PPP5C: variants seen among roughly 807,000 people sequenced by gnomAD.
The protein encoded by PPP5C is protein phosphatase 5 catalytic subunit.
In PPP5C, 21 loss-of-function variants were observed where a neutral mutation model predicts 66.7. The observed-to-expected ratio is 0.31, with a 90% CI of 0.22 to 0.45. PPP5C has a LOEUF of 0.45. Among genes scored for constraint, PPP5C ranks in the 20% least tolerant of loss-of-function variants. The pLI, the probability that PPP5C is intolerant of heterozygous loss-of-function variation, is 1.00. For missense variants in PPP5C, 464 were observed against 675.9 expected (o/e 0.69, Z 3.48); for synonymous variants, 246 against 257.4 (o/e 0.96, Z 0.43).
At chr19:46,384,631 T>G in intron 6 of PPP5C, 173 bp from the exon 7 acceptor site, 1 of 580,710 alleles carries the variant, frequency 1.7e-6, no homozygotes, top group East Asian at 2.9e-5. Context: ...AGGAAAGGAT[T>G]AGAAACCCAG....
Position 46,383,934 on chromosome 19 carries a change from A to C in PPP5C, c.798+56A>C. 2 of 1,406,728 alleles carry C rather than the reference A, an allele frequency of 1.4e-6. No homozygotes were observed. The highest frequency in any genetic ancestry group is 2.0e-6 in the Non-Finnish European group (2 of 994,168). 87.1% of individuals were successfully genotyped at this position (1,406,728 alleles called of 1,614,324 possible). ...CACCTCCACCCCCAGCCGCAGCCTC[A>C]GGTCTGCACAGAGTGGGAGGAGCCC... On this transcript the variant is annotated intron_variant, in intron 6 of 12. Coordinates refer to ENST00000012443, the MANE Select transcript of PPP5C (RefSeq NM_006247.4). The surrounding 1 kb of genome is among the most constrained non-coding windows in gnomAD (Gnocchi z 5.0).
At chr19:46,356,328 G>T (rs1040762682) in intron 2 of PPP5C, among the ~76,000 whole-genome samples, 3 of 152,246 alleles carry the variant, frequency 2.0e-5, no homozygotes, top group African/African-American at 7.2e-5. Flanking sequence ...GCTCCTTTCT[G>T]CGCAGTTCTT....
intron 4 of PPP5C, chr19:46,381,856 T>A (rs980596089): frequency 1.3e-5 from 2 of 152,028 alleles, no homozygotes; most frequent in Non-Finnish European, 2.9e-5. Flanking sequence ...TTTATTGGAG[T>A]TTCTTTACCA....
At chr19:46,389,970 C>T in intron 11 of PPP5C, 81 bp from the exon 12 acceptor site, 1 of 1,306,694 alleles carries the variant, frequency 7.7e-7, no homozygotes, top group Non-Finnish European at 1.1e-6. Flanking sequence ...TCTGTCCCTT[C>T]TTGCCCAGCC....
At chr19:46,389,320 T>TA (rs1972951063) in intron 11 of PPP5C, among the ~76,000 whole-genome samples, 1 of 146,178 alleles carries the variant, frequency 6.8e-6, no homozygotes, top group African/African-American at 2.7e-5. Context: ...AGACTCCATC[T>TA]CAAAACACAC....
chr19:46,363,921 G>A (rs904418111), intron 2 of PPP5C, among the ~76,000 whole-genome samples: 2 of 152,158 alleles, frequency 1.3e-5, no homozygotes, highest in Non-Finnish European at 2.9e-5. Context: ...AGACCTGAGA[G>A]GAGCCTGTTT....
At chr19:46,375,545 G>A in intron 2 of PPP5C, 59 bp from the exon 3 acceptor site, 1 of 1,594,536 alleles carries the variant, frequency 6.3e-7, no homozygotes, top group Non-Finnish European at 8.5e-7. Flanking sequence ...GGCAGCCTGG[G>A]GGCAACCGCT....
At position 46,390,407 on chromosome 19, in the gene PPP5C, G is replaced by A. The variant is rs2147411933; in HGVS notation, c.*61G>A. 1 of 1,549,824 alleles carries A rather than the reference G, an allele frequency of 6.5e-7. No homozygotes were observed. The highest frequency in any genetic ancestry group is 8.7e-7 in the Non-Finnish European group (1 of 1,146,542). The stretch of plus-strand genomic sequence containing the variant: ...TCCAATCCCACCGGACCCAGGCCCT[G>A]GGCTAGGGGCAGAGCAGGCCCCGCC... On this transcript the variant is annotated 3_prime_UTR_variant, in exon 13 of 13. Coordinates refer to ENST00000012443, the MANE Select transcript of PPP5C (RefSeq NM_006247.4).
chr19:46,360,372 T>C (rs1972362494), intron 2 of PPP5C, among the ~76,000 whole-genome samples: 1 of 152,192 alleles, frequency 6.6e-6, no homozygotes, highest in Admixed American at 6.5e-5. Flanking sequence ...GTTTTTAACA[T>C]CCCAGATAAG....
At chr19:46,374,730 G>T (rs1043428135) in intron 2 of PPP5C, among the ~76,000 whole-genome samples, 22 of 152,158 alleles carry the variant, frequency 1.4e-4, no homozygotes, top group Admixed American at 1.2e-3. Context: ...CCCACGTGGA[G>T]TTTCCTTTCA....
At chr19:46,350,635 C>T (rs1397017724) in intron 1 of PPP5C, among the ~76,000 whole-genome samples, 1 of 152,194 alleles carries the variant, frequency 6.6e-6, no homozygotes, top group Non-Finnish European at 1.5e-5. Flanking sequence ...ATAATGACAG[C>T]TCACCTTAAT....
At chr19:46,370,129 G>T (rs1048286703) in intron 2 of PPP5C, among the ~76,000 whole-genome samples, 3 of 151,834 alleles carry the variant, frequency 2.0e-5, no homozygotes, top group African/African-American at 2.4e-5. Context: ...AAAAGTTTTT[G>T]GTTCTTCAAT....
chr19:46,385,863 G>C (rs1972875246), intron 7 of PPP5C, among the ~76,000 whole-genome samples: 1 of 151,364 alleles, frequency 6.6e-6, no homozygotes, highest in Admixed American at 6.6e-5. Flanking sequence ...AGGATTGCTT[G>C]AGCCCAGGAG....
intron 2 of PPP5C, among the ~76,000 whole-genome samples, chr19:46,364,004 G>A (rs1972448714): frequency 6.6e-6 from 1 of 152,166 alleles, no homozygotes; most frequent in Non-Finnish European, 1.5e-5. Flanking sequence ...GCAAGAGGAA[G>A]GAGGGACAGA....
At position 46,383,227 on chromosome 19, in the gene PPP5C, A is replaced by G. The variant is rs549830558; in HGVS notation, c.634-184A>G. On this transcript the variant is annotated intron_variant, in intron 4 of 12. Transcript: ENST00000012443. The surrounding 1 kb of genome is among the most constrained non-coding windows in gnomAD (Gnocchi z 5.0). Reference sequence around the variant, plus strand: ...GCTTCGGCACTGCACAGGCCACAGAAGCCTGCGGCTGCCTCCGGCCCCGCC... The same window carrying G: ...GCTTCGGCACTGCACAGGCCACAGAGGCCTGCGGCTGCCTCCGGCCCCGCC... The G allele has an allele frequency of 2.0e-6, 3 of 1,537,860 alleles. No homozygotes were observed. Among genetic ancestry groups the G allele is most frequent in the South Asian group, 2.4e-5 (2 of 83,170 alleles).
intron 4 of PPP5C, among the ~76,000 whole-genome samples, chr19:46,380,130 A>G (rs1350804751): frequency 6.6e-6 from 1 of 151,726 alleles, no homozygotes; most frequent in Non-Finnish European, 1.5e-5. Context: ...CATGGCAAAA[A>G]CCCCATCTCT....
rs747446024 is a variant in PPP5C, at chr19:46,388,663, C to T, written c.1287C>T (p.Val429=). 6.2e-7 allele frequency: 1 copy of T among 1,614,208 alleles called. No individual in the cohort carries two copies. The highest frequency in any genetic ancestry group is 8.5e-7 in the Non-Finnish European group (1 of 1,180,036). Reference sequence around the variant, plus strand: ...ACTATATCATCCGCAGCCACGAAGTCAAGGCCGAGGGCTACGAGGTGGCTC... The same window carrying T: ...ACTATATCATCCGCAGCCACGAAGTTAAGGCCGAGGGCTACGAGGTGGCTC... ...NLDYIIRSHE[V]KAEGYEVAHG... The change falls in exon 11 of 13, where the codon GTC becomes GTT. Residue 429 remains valine, a synonymous_variant. Transcript: ENST00000012443. This position sits in a 1 kb window ranked among gnomAD's most constrained non-coding sequence, Gnocchi z 4.9.
chr19:46,364,197 T>A (rs1972453117), intron 2 of PPP5C, among the ~76,000 whole-genome samples: 1 of 151,930 alleles, frequency 6.6e-6, no homozygotes, highest in African/African-American at 2.4e-5. Context: ...CATCAAAAAA[T>A]ATATATATAC....
chr19:46,361,469 G>A (rs1388165831), intron 2 of PPP5C, among the ~76,000 whole-genome samples: 5 of 147,640 alleles, frequency 3.4e-5, no homozygotes, highest in Non-Finnish European at 4.5e-5. Context: ...TACACCAGCC[G>A]GGCATGGTGG....
Sources: allele counts gnomAD v4.1 joint callset (sites outside exome capture counted in the v4.1 genomes callset), GRCh38; gene constraint gnomAD v4.1.1; non-coding constraint Gnocchi (gnomAD v3.1); transcripts MANE v1.5; gene names NCBI Gene and HGNC (gene_info 2026-07-23, HGNC 2026-07-21).